SLC68A1: variants seen among roughly 807,000 people sequenced by gnomAD.
SLC68A1 encodes the protein major facilitator superfamily domain containing 13A.
chr10:102,470,956 T>C, the SLC68A1 span: 1 of 1,613,360 alleles, frequency 6.2e-7, no homozygotes. Context: ...TTGCATCCTA[T>C]GCCTTTTGGA....
At chr10:102,463,902 G>A in the SLC68A1 span, among the ~76,000 whole-genome samples, 1 of 152,180 alleles carries the variant, frequency 6.6e-6, no homozygotes, top group South Asian at 2.1e-4. Flanking sequence ...AAGTGTGGAG[G>A]TGGCATTTAG....
chr10:102,470,759 T>C, the SLC68A1 span: 1 of 1,613,950 alleles, frequency 6.2e-7, no homozygotes, highest in South Asian at 1.1e-5. Flanking sequence ...GTTCCTGGCG[T>C]TCTGGGTGCC....
At chr10:102,476,631 C>A in the SLC68A1 span, 1 of 986,124 alleles carries the variant, frequency 1.0e-6, no homozygotes, top group South Asian at 4.7e-5. Flanking sequence ...GCTTACCTGT[C>A]TGGCTCAGCT....
chr10:102,469,280 G>C, the SLC68A1 span: 1,218 of 1,434,744 alleles, frequency 8.5e-4, 2 homozygotes, highest in Non-Finnish European at 1.0e-3. Flanking sequence ...GCAGATTGCA[G>C]GTGCCTGGTC....
chr10:102,473,805 T>A, the SLC68A1 span: 1 of 1,607,902 alleles, frequency 6.2e-7, no homozygotes, highest in Admixed American at 1.7e-5. Context: ...GCCTGCTCTC[T>A]CCCTCTACTG....
chr10:102,471,440 TCA>T, the SLC68A1 span: 1 of 1,595,770 alleles, frequency 6.3e-7, no homozygotes, highest in Non-Finnish European at 8.6e-7. Context: ...GGGCTGGACT[TCA>T]CTCAAGGGGA....
At chr10:102,473,968 C>A in the SLC68A1 span, 22 of 1,611,402 alleles carry the variant, frequency 1.4e-5, no homozygotes, top group Middle Eastern at 3.3e-4. Flanking sequence ...CCAGGCCAGA[C>A]CTTTGCCCCG....
chr10:102,473,063 T>C, the SLC68A1 span: 1 of 842,326 alleles, frequency 1.2e-6, no homozygotes, highest in Non-Finnish European at 2.0e-6. Context: ...CCCGACCCAG[T>C]GATCCACCTG....
chr10:102,470,554 T>C, the SLC68A1 span: 1 of 1,503,104 alleles, frequency 6.7e-7, no homozygotes, highest in South Asian at 1.3e-5. Flanking sequence ...ACCACCCTGT[T>C]GTGAGTCCCA....
the SLC68A1 span, among the ~76,000 whole-genome samples, chr10:102,473,193 G>C: frequency 6.6e-6 from 1 of 152,110 alleles, no homozygotes; most frequent in Non-Finnish European, 1.5e-5. Flanking sequence ...GGTGTGGTGG[G>C]TGTTGAGGGG....
At chr10:102,474,111 A>C in the SLC68A1 span, 19 of 1,326,292 alleles carry the variant, frequency 1.4e-5, no homozygotes, top group Non-Finnish European at 1.9e-5. Flanking sequence ...CCAGTGACGG[A>C]AGGTGGCAAC....
chr10:102,473,316 C>G, the SLC68A1 span, among the ~76,000 whole-genome samples: 1 of 152,264 alleles, frequency 6.6e-6, no homozygotes, highest in South Asian at 2.1e-4. Context: ...TGAGTCTTGA[C>G]TCTGTGCTCA....
the SLC68A1 span, chr10:102,470,740 G>A: frequency 6.2e-7 from 1 of 1,613,758 alleles, no homozygotes; most frequent in East Asian, 2.2e-5. Flanking sequence ...GGCCGCTGCT[G>A]GCGCTGTCGT....
chr10:102,467,999 G>C, the SLC68A1 span, among the ~76,000 whole-genome samples: 2 of 151,156 alleles, frequency 1.3e-5, no homozygotes, highest in South Asian at 4.2e-4. Context: ...GGTGTGGTGG[G>C]CCGGGTGGTC....
chr10:102,471,255 C>T, the SLC68A1 span: 25 of 1,610,268 alleles, frequency 1.6e-5, no homozygotes, highest in South Asian at 1.9e-4. Flanking sequence ...CAGTTCTCCA[C>T]TCCCTTCTGC....
the SLC68A1 span, chr10:102,473,053 C>A: frequency 1.1e-6 from 1 of 920,038 alleles, no homozygotes. Flanking sequence ...GTCTCCATTT[C>A]CCGACCCAGT....
the SLC68A1 span, chr10:102,461,773 G>A: frequency 6.6e-6 from 1 of 152,252 alleles, no homozygotes; most frequent in Non-Finnish European, 1.5e-5. Context: ...CGGGATCCGT[G>A]CCATTAGCAT....
chr10:102,462,385 G>A, the SLC68A1 span, among the ~76,000 whole-genome samples: 1 of 152,202 alleles, frequency 6.6e-6, no homozygotes, highest in African/African-American at 2.4e-5. Flanking sequence ...TAAAGATAAT[G>A]TTCACACCTG....
the SLC68A1 span, chr10:102,468,609 G>A: frequency 1.3e-5 from 2 of 157,590 alleles, no homozygotes; most frequent in African/African-American, 4.8e-5. Context: ...GGAGCTTACA[G>A]TGAGCGGAGA....
Sources: allele counts gnomAD v4.1 joint callset (sites outside exome capture counted in the v4.1 genomes callset), GRCh38; gene constraint gnomAD v4.1.1; transcripts MANE v1.5; gene names NCBI Gene and HGNC (gene_info 2026-07-23, HGNC 2026-07-21).